SDK1: variants seen among roughly 807,000 people sequenced by gnomAD.
The protein encoded by SDK1 is protein sidekick-1.
In SDK1, 157 loss-of-function variants were observed where a neutral mutation model predicts 245.5. That is an observed-to-expected ratio of 0.64 (90% CI 0.56 to 0.73). The LOEUF is 0.73. Among genes scored for constraint, SDK1 ranks in the 30% least tolerant of loss-of-function variants. The pLI is 0.00. For missense variants in SDK1, 3,583 were observed against 3,002.3 expected (o/e 1.19, Z -4.52); for synonymous variants, 1,647 against 1,278.5 (o/e 1.29, Z -6.15).
chr7:4,109,558 C>T lies in SDK1; in HGVS notation c.3325-1105C>T, dbSNP rs1050006163. On this transcript the variant is annotated intron_variant, in intron 22 of 44. Coordinates refer to ENST00000404826, the MANE Select transcript of SDK1 (RefSeq NM_152744.4). ...CTGACATGCTCTCCATGCTTGCAGCCGGCCTTCTCTGTGTCCCTTGGGTCC... is the reference window on the plus strand; with the variant it reads ...CTGACATGCTCTCCATGCTTGCAGCTGGCCTTCTCTGTGTCCCTTGGGTCC... 3.3e-5 allele frequency among the ~76,000 whole-genome samples: 5 copies of T among 152,226 alleles called. No homozygotes were observed. The South Asian group carries it at 6.2e-4, about 19-fold the overall frequency.
intron 13 of SDK1, among the ~76,000 whole-genome samples, chr7:3,980,932 T>C (rs1723961587): frequency 7.3e-6 from 1 of 136,940 alleles, no homozygotes; most frequent in African/African-American, 2.6e-5. Flanking sequence ...AGAGCGAGAC[T>C]CCATCTCAAA....
intron 4 of SDK1, among the ~76,000 whole-genome samples, chr7:3,707,497 A>G (rs1784923688): frequency 6.6e-6 from 1 of 152,218 alleles, no homozygotes; most frequent in African/African-American, 2.4e-5. Flanking sequence ...AGACTGTTCC[A>G]TATGCTGATG....
intron 4 of SDK1, among the ~76,000 whole-genome samples, chr7:3,698,784 A>G (rs79240643): frequency 6.4e-4 from 97 of 152,286 alleles, no homozygotes; most frequent in African/African-American, 2.3e-3. Context: ...GTCTCTTCTT[A>G]TAAGGGAACC....
At chr7:3,703,092 C>T (rs1182980333) in intron 4 of SDK1, among the ~76,000 whole-genome samples, 4 of 150,016 alleles carry the variant, frequency 2.7e-5, no homozygotes, top group Non-Finnish European at 5.9e-5. Context: ...TGTATGCCGA[C>T]GATACGACTT....
intron 19 of SDK1, among the ~76,000 whole-genome samples, chr7:4,060,173 G>A (rs901361334): frequency 1.3e-5 from 2 of 152,088 alleles, no homozygotes; most frequent in African/African-American, 4.8e-5. Flanking sequence ...GAGCCACCAC[G>A]CCCGGCCAGA....
intron 25 of SDK1, among the ~76,000 whole-genome samples, chr7:4,123,482 A>C (rs1354496626): frequency 6.6e-6 from 1 of 152,194 alleles, no homozygotes; most frequent in Admixed American, 6.5e-5. Context: ...GTGCAGGCCC[A>C]GGGAGCAGGA....
chr7:3,964,561 C>T (rs1166145370), intron 9 of SDK1, among the ~76,000 whole-genome samples: 1 of 152,102 alleles, frequency 6.6e-6, no homozygotes, highest in East Asian at 1.9e-4. Flanking sequence ...TACCTTGGCT[C>T]TCTGTCTTTG....
At chr7:3,495,824 C>G (rs1405322271) in intron 1 of SDK1, among the ~76,000 whole-genome samples, 1 of 152,182 alleles carries the variant, frequency 6.6e-6, no homozygotes, top group African/African-American at 2.4e-5. Context: ...GTCCCGTGGC[C>G]TGGGTGCTCC....
intron 5 of SDK1, among the ~76,000 whole-genome samples, chr7:3,884,380 G>A (rs923366957): frequency 6.6e-6 from 1 of 152,166 alleles, no homozygotes; most frequent in Non-Finnish European, 1.5e-5. Flanking sequence ...TTTGAACTCA[G>A]TGCGCGGGAA....
chr7:3,821,393 A>T, intron 4 of SDK1, 57 bp from the exon 5 acceptor site: 1 of 1,560,914 alleles, frequency 6.4e-7, no homozygotes, highest in Non-Finnish European at 8.7e-7. Flanking sequence ...ATTTTGTCTT[A>T]CAAGTAGGAA....
At chr7:3,608,806 T>G (rs1426152112) in intron 1 of SDK1, among the ~76,000 whole-genome samples, 4 of 152,218 alleles carry the variant, frequency 2.6e-5, no homozygotes, top group Non-Finnish European at 5.9e-5. Flanking sequence ...GCAACTAACC[T>G]TTATGAAACT....
intron 1 of SDK1, among the ~76,000 whole-genome samples, chr7:3,591,705 T>G (rs560029155): frequency 1.3e-5 from 2 of 152,360 alleles, no homozygotes; most frequent in East Asian, 3.9e-4. Flanking sequence ...AAGCTATTTG[T>G]ATTCTTTGCA....
rs189193306 is a variant in SDK1 at position 3,584,871 on chromosome 7, C to T, written c.299-34209C>T. On this transcript the variant is annotated intron_variant, in intron 1 of 44. Coordinates refer to ENST00000404826, the MANE Select transcript of SDK1 (RefSeq NM_152744.4). ...CCCGAGTAGCTGGGACTACAGGTGC[C>T]TGCCATCACACCTGGCTAATTTTTT... Among the ~76,000 whole-genome samples the T allele has an allele frequency of 3.4e-3, 524 of 152,170 alleles. 6 individuals carry two copies. The highest frequency in any genetic ancestry group is 0.012 in the African/African-American group (479 of 41,502).
At chr7:3,607,563 C>A (rs1781460988) in intron 1 of SDK1, among the ~76,000 whole-genome samples, 1 of 152,166 alleles carries the variant, frequency 6.6e-6, no homozygotes, top group African/African-American at 2.4e-5. Flanking sequence ...AATGACAGAG[C>A]AAATAATCAA....
chr7:3,578,654 T>C (rs1780382413), intron 1 of SDK1, among the ~76,000 whole-genome samples: 1 of 151,832 alleles, frequency 6.6e-6, no homozygotes. Flanking sequence ...CTTAGGGTCT[T>C]AATATTCCTT....
chr7:4,066,781 C>A (rs774206735), intron 19 of SDK1, among the ~76,000 whole-genome samples: 3 of 152,216 alleles, frequency 2.0e-5, no homozygotes, highest in African/African-American at 4.8e-5. Flanking sequence ...CGGCCAGCAG[C>A]GACTTGCTGT....
chr7:3,468,139 G>C (rs1250666460), intron 1 of SDK1, among the ~76,000 whole-genome samples: 1 of 152,126 alleles, frequency 6.6e-6, no homozygotes, highest in Admixed American at 6.6e-5. Context: ...GAAAAGTTCA[G>C]AGATATGTTT....
rs760341573 is a variant in SDK1 at position 4,145,864 on chromosome 7, G to T, written c.4371G>T (p.Arg1457Ser). 6.2e-7 allele frequency: 1 copy of T among 1,613,638 alleles called. No individual in the cohort carries two copies. The highest frequency in any genetic ancestry group is 8.5e-7 in the Non-Finnish European group (1 of 1,179,898). ...TCTTCAGGCTGTCCGCCAAGACGAG[G>T]CAGGGCTGGGGGGAGCCACTGGAGG... is the stretch of plus-strand genomic sequence containing the variant. ...AYIFRLSAKT[R>S]QGWGEPLEAT... Residue 1457 changes from arginine to serine, a missense_variant, in exon 29 of 45, where the codon AGG (arginine) becomes AGT (serine). Arg to Ser is a moderately radical substitution (Grantham distance 110). Transcript: ENST00000404826.
intron 4 of SDK1, among the ~76,000 whole-genome samples, chr7:3,698,031 C>G (rs999457535): frequency 6.6e-6 from 1 of 152,164 alleles, no homozygotes; most frequent in Non-Finnish European, 1.5e-5. Flanking sequence ...CCGTTTCTCT[C>G]ATTTAGCTTG....
Sources: gnomAD v4.1 joint callset for allele counts (sites outside exome capture counted in the v4.1 genomes callset) on GRCh38, gnomAD v4.1.1 for gene constraint, MANE v1.5 for transcripts, NCBI Gene and HGNC (gene_info 2026-07-23, HGNC 2026-07-21) for gene names.